The following STEAP3 variants were observed in gnomAD, a reference collection of about 807,000 sequenced individuals.
STEAP3 encodes STEAP3 metalloreductase.
STEAP3 carries 35 observed loss-of-function variants against 34.9 expected under a neutral mutation model. The observed-to-expected ratio is 1.00, with a 90% CI of 0.76 to 1.33. The LOEUF (loss-of-function observed/expected upper bound fraction) is 1.33, where lower values mean the gene tolerates loss of function less well. STEAP3 is among the 40% of genes most tolerant of loss of function. The pLI is 0.00. For synonymous variants in STEAP3, 281 were observed against 301.6 expected, an observed-to-expected ratio of 0.93 and a Z score of 0.71; for missense variants, 652 against 667.6, an observed-to-expected ratio of 0.98 and a Z score of 0.26.
Position 119,263,520 on chromosome 2 carries a change from T to C in STEAP3, c.*182T>C. The C allele has an allele frequency of 1.3e-6, 1 of 770,810 alleles. No homozygotes were observed. Among genetic ancestry groups the C allele is most frequent in the Admixed American group, 2.4e-5 (1 of 42,438 alleles). The allele number at this position is 770,810 out of a possible 1,614,324, so 47.7% of individuals were successfully genotyped here. A position where few individuals can be genotyped will look rare whatever the true frequency, so the allele number is the denominator to read the frequency against. ...AGAATGATATACACACATATGTGTA[T>C]ATGTATTTACATATATTCCACATAT... On this transcript the variant is annotated 3_prime_UTR_variant, in exon 6 of 6. Coordinates refer to ENST00000393110, the MANE Select transcript of STEAP3 (RefSeq NM_182915.3).
chr2:119,239,334 C>G (rs1228490019), intron 2 of STEAP3: 5 of 152,900 alleles, frequency 3.3e-5, no homozygotes, highest in Non-Finnish European at 5.8e-5. Flanking sequence ...GTGGCGCGAT[C>G]TCGGCTCACT....
intron 3 of STEAP3, chr2:119,246,923 A>C (rs1223826715): frequency 2.6e-5 from 4 of 152,190 alleles, no homozygotes; most frequent in Non-Finnish European, 2.9e-5. Context: ...CCTAGACCTC[A>C]GTTTTCTCAC....
chr2:119,260,433 G>A (rs905933332), intron 5 of STEAP3, among the ~76,000 whole-genome samples: 8 of 151,838 alleles, frequency 5.3e-5, no homozygotes, highest in Non-Finnish European at 1.2e-4. Flanking sequence ...TGGGATTACA[G>A]GCATGCGCCA....
chr2:119,228,897 C>T (rs986426532), intron 1 of STEAP3, among the ~76,000 whole-genome samples: 10 of 152,148 alleles, frequency 6.6e-5, no homozygotes, highest in African/African-American at 2.4e-4. Flanking sequence ...CTGGAGCCCT[C>T]CAGGAACGCG....
At chr2:119,234,181 C>T (rs1279854735) in intron 2 of STEAP3, among the ~76,000 whole-genome samples, 3 of 152,176 alleles carry the variant, frequency 2.0e-5, no homozygotes, top group South Asian at 4.1e-4. Flanking sequence ...CTTTCCTAAC[C>T]CCACGGCTCA....
chr2:119,253,342 T>G (rs778521020), intron 4 of STEAP3, among the ~76,000 whole-genome samples: 1 of 152,204 alleles, frequency 6.6e-6, no homozygotes, highest in Admixed American at 6.5e-5. Context: ...TTTCACAGAT[T>G]GCAGGAAAAG....
At chr2:119,233,349 A>T (rs1285240973) in intron 2 of STEAP3, among the ~76,000 whole-genome samples, 1 of 152,236 alleles carries the variant, frequency 6.6e-6, no homozygotes, top group East Asian at 1.9e-4. Context: ...CAGTGTTTAC[A>T]TTCATCTTTG....
At chr2:119,231,342 C>CGTGTGTGTGTGTGTGTGTGTGTGTGTGT (rs6146901) in intron 2 of STEAP3, among the ~76,000 whole-genome samples, 1 of 143,492 alleles carries the variant, frequency 7.0e-6, no homozygotes, top group Admixed American at 6.9e-5. Context: ...CACACAGTTG[C>CGTGTGTGTGTGTGTGTGTGTGTGTGTGT]GTGTGTGTGT....
chr2:119,237,011 A>G (rs923787938), intron 2 of STEAP3, among the ~76,000 whole-genome samples: 6 of 152,198 alleles, frequency 3.9e-5, no homozygotes, highest in African/African-American at 1.2e-4. Flanking sequence ...GGGCTTAGGA[A>G]CCTCAATTAT....
Position 119,245,918 on chromosome 2 carries a change from C to T in STEAP3, c.452C>T (p.Thr151Ile). The T allele has an allele frequency of 1.2e-6, 2 of 1,614,002 alleles. No homozygotes were observed. The highest frequency in any genetic ancestry group is 1.7e-6 in the Non-Finnish European group (2 of 1,180,042). ...CTGGCCTCCCTCTTCCCCACTTGCACAGTGGTCAAGGCCTTCAATGTCATC... is the reference window on the plus strand; with the variant it reads ...CTGGCCTCCCTCTTCCCCACTTGCATAGTGGTCAAGGCCTTCAATGTCATC... ...EYLASLFPTC[T>I]VVKAFNVISA... The change falls in exon 3 of 6, where the codon ACA becomes ATA. Residue 151 changes from threonine (T) to isoleucine (I), a missense_variant. Physicochemically the swap from Thr to Ile is moderately conservative, Grantham distance 89. Transcript: ENST00000393110.
chr2:119,248,208 T>C lies in STEAP3; in HGVS notation c.1050+2T>C. 1 of 1,575,278 alleles carries C rather than the reference T, an allele frequency of 6.3e-7. No homozygotes were observed. The highest frequency in any genetic ancestry group is 8.6e-7 in the Non-Finnish European group (1 of 1,159,246). ...CTGGTCAACCTGGCAGTCAAGCAGG[T>C]ACCCACCCCATGCCCTTCCTCCCTC... On this transcript the variant is annotated splice_donor_variant, in intron 4 of 5. Coordinates refer to ENST00000393110, the MANE Select transcript of STEAP3 (RefSeq NM_182915.3). LOFTEE classifies it high-confidence loss of function.
intron 3 of STEAP3, 85 bp downstream of exon 3, chr2:119,246,073 A>G: frequency 6.7e-7 from 1 of 1,487,984 alleles, no homozygotes; most frequent in Non-Finnish European, 9.0e-7. Context: ...GCTCTTTTTG[A>G]TATGTTATCA....
intron 1 of STEAP3, among the ~76,000 whole-genome samples, chr2:119,230,182 A>G (rs922234821): frequency 5.9e-5 from 9 of 152,336 alleles, no homozygotes; most frequent in South Asian, 2.1e-4. Flanking sequence ...GGGCTTGCAC[A>G]TAATTCACTT....
intron 1 of STEAP3, among the ~76,000 whole-genome samples, chr2:119,225,164 G>A (rs540923290): frequency 2.6e-5 from 4 of 152,306 alleles, no homozygotes; most frequent in East Asian, 3.9e-4. Context: ...AGTCCCATCC[G>A]AAGCTGACTG....
At chr2:119,243,845 G>A (rs1337435318) in intron 2 of STEAP3, among the ~76,000 whole-genome samples, 2 of 152,206 alleles carry the variant, frequency 1.3e-5, no homozygotes, top group African/African-American at 4.8e-5. Context: ...CTTTATGTCA[G>A]TCCCTGGATC....
intron 1 of STEAP3, among the ~76,000 whole-genome samples, chr2:119,225,048 C>A (rs838110): frequency 6.6e-6 from 1 of 151,816 alleles, no homozygotes; most frequent in African/African-American, 2.4e-5. Context: ...TTCTGGCAGC[C>A]CCAAGAATAC....
At chr2:119,258,757 G>A (rs1283677691) in intron 5 of STEAP3, among the ~76,000 whole-genome samples, 4 of 149,284 alleles carry the variant, frequency 2.7e-5, no homozygotes, top group Admixed American at 6.7e-5. Context: ...ACAGGCGCCC[G>A]GCACCACACC....
intron 5 of STEAP3, among the ~76,000 whole-genome samples, chr2:119,261,419 T>A (rs1268795665): frequency 6.6e-6 from 1 of 152,124 alleles, no homozygotes; most frequent in Non-Finnish European, 1.5e-5. Context: ...TGATGGGTCA[T>A]CGCTATTTCC....
At position 119,228,738 on chromosome 2, in the gene STEAP3, T is replaced by C. The variant is rs113817773; in HGVS notation, c.-393-1882T>C. On this transcript the variant is annotated intron_variant, in intron 1 of 5. Coordinates refer to ENST00000393110, the MANE Select transcript of STEAP3 (RefSeq NM_182915.3). ...GTCACCTGTGCTGGTGTGAGTTCCA[T>C]TGGGGCTGCCGCTTACCCTCCCATG... Among the ~76,000 whole-genome samples, 93 of 152,194 alleles carry C rather than the reference T, an allele frequency of 6.1e-4. 1 individual carries two copies. The highest frequency in any genetic ancestry group is 2.4e-3 in the Admixed American group (36 of 15,292).
Sources: allele counts gnomAD v4.1 joint callset (sites outside exome capture counted in the v4.1 genomes callset), GRCh38; gene constraint gnomAD v4.1.1; transcripts MANE v1.5; gene names NCBI Gene and HGNC (gene_info 2026-07-23, HGNC 2026-07-21).